Variants in CLIP1 observed in about 807,000 individuals in gnomAD.
CLIP1 encodes CAP-Gly domain containing linker protein 1, also known as CAP-Gly domain-containing linker protein 1.
In CLIP1, 66 loss-of-function variants were observed where a neutral mutation model predicts 161.6. That is an observed-to-expected ratio of 0.41 (90% CI 0.33 to 0.50). CLIP1 has a LOEUF of 0.50. Ranked by LOEUF, CLIP1 falls within the 20% of genes least tolerant of loss-of-function variation. The probability of loss-of-function intolerance (pLI) is 0.27; values close to 1 mark genes in which losing one functional copy is unlikely to be tolerated. For synonymous variants in CLIP1, 598 were observed against 626.2 expected (o/e 0.96, Z 0.67); for missense variants, 1,376 against 1,702.0 (o/e 0.81, Z 3.37).
At chr12:122,419,280 G>C (rs1200665228) in intron 1 of CLIP1, among the ~76,000 whole-genome samples, 1 of 151,160 alleles carries the variant, frequency 6.6e-6, no homozygotes, top group African/African-American at 2.4e-5. Context: ...TGAGGTGGGA[G>C]AATCACTTGA....
rs540193441 is a variant in CLIP1 at position 122,375,431 on chromosome 12, C to G, written c.657+1958G>C. ...TCCTGGGTTCAACCAATTCTCCTGCCTCAGCTTCCCAAGTAGCTGGGATTA... is the reference window on the plus strand; with the variant it reads ...TCCTGGGTTCAACCAATTCTCCTGCGTCAGCTTCCCAAGTAGCTGGGATTA... On this transcript the variant is annotated intron_variant, in intron 3 of 25. Coordinates refer to ENST00000620786, the MANE Select transcript of CLIP1 (RefSeq NM_001247997.2). Among the ~76,000 whole-genome samples the G allele has an allele frequency of 1.4e-4, 22 of 152,228 alleles. No individual in the cohort carries two copies. The South Asian group carries it at 3.9e-3, about 27-fold the overall frequency.
intron 15 of CLIP1, 93 bp downstream of exon 15, chr12:122,332,894 G>T (rs550529772): frequency 2.0e-6 from 2 of 1,000,138 alleles, no homozygotes; most frequent in Non-Finnish European, 2.9e-6. Context: ...ACTTTAAAAC[G>T]TAACAATCCT....
At chr12:122,329,068 G>A (rs1168438930) in intron 15 of CLIP1, among the ~76,000 whole-genome samples, 1 of 151,994 alleles carries the variant, frequency 6.6e-6, no homozygotes, top group Non-Finnish European at 1.5e-5. Flanking sequence ...GGTGGCTTAT[G>A]CCTATGATCC....
chr12:122,312,614 A>C (rs1478200384), intron 19 of CLIP1, among the ~76,000 whole-genome samples: 3 of 152,064 alleles, frequency 2.0e-5, no homozygotes, highest in African/African-American at 7.2e-5. Flanking sequence ...AAATACAAAA[A>C]TTAGTTGGGC....
At chr12:122,403,449 G>A (rs1436677725) in intron 1 of CLIP1, among the ~76,000 whole-genome samples, 1 of 148,566 alleles carries the variant, frequency 6.7e-6, no homozygotes, top group Non-Finnish European at 1.5e-5. Context: ...AAAGGAACCT[G>A]TGGCTGGAGA....
chr12:122,384,894 A>C (rs1955179873), intron 1 of CLIP1, among the ~76,000 whole-genome samples: 1 of 151,154 alleles, frequency 6.6e-6, no homozygotes, highest in South Asian at 2.1e-4. Flanking sequence ...AAAATTTGCC[A>C]GTTAAGTTAA....
intron 20 of CLIP1, among the ~76,000 whole-genome samples, chr12:122,292,077 C>T (rs142353002): frequency 0.06 from 9,170 of 152,136 alleles, 304 homozygotes; most frequent in Middle Eastern, 0.12. Context: ...CTGCAACCTC[C>T]GCTTCCCAGG....
chr12:122,376,485 G>C (rs1216313803), intron 3 of CLIP1, among the ~76,000 whole-genome samples: 1 of 151,572 alleles, frequency 6.6e-6, no homozygotes, highest in African/African-American at 2.4e-5. Flanking sequence ...TTTTTTCTTT[G>C]AGACAGAGTC....
At chr12:122,379,944 T>TAAAAAAA (rs10661606) in intron 2 of CLIP1, among the ~76,000 whole-genome samples, 3 of 99,720 alleles carry the variant, frequency 3.0e-5, no homozygotes, top group African/African-American at 7.6e-5. Context: ...ACTCCATCTT[T>TAAAAAAA]AAAAAAAAAA....
intron 20 of CLIP1, among the ~76,000 whole-genome samples, chr12:122,306,008 C>T (rs943445234): frequency 2.7e-5 from 4 of 150,148 alleles, no homozygotes; most frequent in African/African-American, 4.9e-5. Flanking sequence ...GCCAAGTGAT[C>T]GAGCCACTGC....
chr12:122,401,315 G>A (rs1187487051), intron 1 of CLIP1, among the ~76,000 whole-genome samples: 1 of 152,144 alleles, frequency 6.6e-6, no homozygotes, highest in African/African-American at 2.4e-5. Context: ...TTTGAGCCCA[G>A]GAGTTCAATA....
intron 3 of CLIP1, among the ~76,000 whole-genome samples, chr12:122,368,184 C>A (rs539464283): frequency 3.9e-5 from 6 of 152,174 alleles, no homozygotes; most frequent in Admixed American, 6.5e-5. Context: ...TTTTTAAGTT[C>A]TCATTTATTT....
At chr12:122,375,569 G>A (rs1339154684) in intron 3 of CLIP1, among the ~76,000 whole-genome samples, 1 of 151,934 alleles carries the variant, frequency 6.6e-6, no homozygotes, top group Non-Finnish European at 1.5e-5. Flanking sequence ...TGCCTGCCTC[G>A]GCCTCCAAAA....
chr12:122,275,712 C>A (rs1028102760), intron 24 of CLIP1: 1 of 151,708 alleles, frequency 6.6e-6, no homozygotes. Context: ...TTAAACTCTA[C>A]AATCCATCCA....
chr12:122,393,424 AGTGCTGGGATTACAGGCAT>A (rs1426299578), intron 1 of CLIP1, among the ~76,000 whole-genome samples: 4 of 151,584 alleles, frequency 2.6e-5, no homozygotes, highest in Non-Finnish European at 5.9e-5. Context: ...GGCCTCCCAG[AGTGCTGGGATTACAGGCAT>A]GTGCCACCAT....
chr12:122,408,821 A>G (rs890958842), intron 1 of CLIP1, among the ~76,000 whole-genome samples: 1 of 149,082 alleles, frequency 6.7e-6, no homozygotes, highest in Non-Finnish European at 1.5e-5. Flanking sequence ...TATTTTTTTT[A>G]TTGTTTATTA....
At chr12:122,337,671 G>A (rs1238795702) in intron 11 of CLIP1, among the ~76,000 whole-genome samples, 1 of 152,104 alleles carries the variant, frequency 6.6e-6, no homozygotes, top group African/African-American at 2.4e-5. Flanking sequence ...AGCAGAAGGT[G>A]TGGATGCTTA....
intron 13 of CLIP1, 72 bp from the exon 14 acceptor site, chr12:122,334,182 C>T: frequency 1.1e-6 from 1 of 898,586 alleles, no homozygotes; most frequent in Non-Finnish European, 1.8e-6. Context: ...GGCTGTCTTA[C>T]AACCCAGTCA....
At chr12:122,285,492 A>G (rs1391740920) in intron 21 of CLIP1, among the ~76,000 whole-genome samples, 1 of 152,140 alleles carries the variant, frequency 6.6e-6, no homozygotes, top group African/African-American at 2.4e-5. Context: ...TCGGCCTCCC[A>G]AAGTGCTGGG....
Sources: allele counts gnomAD v4.1 joint callset (sites outside exome capture counted in the v4.1 genomes callset), GRCh38; gene constraint gnomAD v4.1.1; transcripts MANE v1.5; gene names NCBI Gene and HGNC (gene_info 2026-07-23, HGNC 2026-07-21).